UNKL: variants seen among roughly 807,000 people sequenced by gnomAD.
UNKL encodes the protein putative E3 ubiquitin-protein ligase UNKL.
In UNKL, 60 loss-of-function variants were observed where a neutral mutation model predicts 78.0. The ratio of observed to expected loss-of-function variants is 0.77; its 90% CI spans 0.63 to 0.95. The LOEUF (loss-of-function observed/expected upper bound fraction) is 0.95, where lower values mean the gene tolerates loss of function less well. Among genes scored for constraint, UNKL ranks in the 40% least tolerant of loss-of-function variants. The probability of loss-of-function intolerance (pLI) is 0.00; values close to 1 mark genes in which losing one functional copy is unlikely to be tolerated. For missense variants in UNKL, 1,159 were observed against 1,045.7 expected, an observed-to-expected ratio of 1.11 and a Z score of -1.49; for synonymous variants, 608 against 474.8, an observed-to-expected ratio of 1.28 and a Z score of -3.65.
rs2037439300 is a variant in UNKL, at chr16:1,399,829, G to A, written c.599-320C>T. Among the ~76,000 whole-genome samples, 1 of 152,154 alleles carries A rather than the reference G, an allele frequency of 6.6e-6. No homozygotes were observed. The highest frequency in any genetic ancestry group is 1.9e-4 in the East Asian group (1 of 5,186). ...GTGGGTGTGCGGCTTCCTTGCTGGG[G>A]GATGAAAATGTTCTCCAACTAGAGA... On this transcript the variant is annotated intron_variant, in intron 4 of 14. Transcript: ENST00000389221. This position sits in a 1 kb window ranked among gnomAD's most constrained non-coding sequence, Gnocchi z 5.8.
At chr16:1,396,089 GCAC>G (rs2037248073) in intron 6 of UNKL, among the ~76,000 whole-genome samples, 1 of 151,346 alleles carries the variant, frequency 6.6e-6, no homozygotes, top group Admixed American at 6.6e-5. Flanking sequence ...CTATAGGCGC[GCAC>G]CACTACACCT....
At chr16:1,376,193 C>T (rs2036208301) in intron 10 of UNKL, among the ~76,000 whole-genome samples, 2 of 144,944 alleles carry the variant, frequency 1.4e-5, no homozygotes, top group African/African-American at 5.2e-5. Flanking sequence ...ATGCTCCTCC[C>T]TCCTCCCTCA....
intron 10 of UNKL, among the ~76,000 whole-genome samples, chr16:1,382,559 G>A (rs2036641000): frequency 6.6e-6 from 1 of 152,210 alleles, no homozygotes; most frequent in African/African-American, 2.4e-5. Flanking sequence ...GGATTCTGGA[G>A]GGTTCTCCGG....
In UNKL at chr16:1,399,199, G is replaced by C; in HGVS notation, c.734+175C>G. ...AGGCCCATCCCCAGGACAGACGCGT[G>C]GGCCTCCATGGCACCTCCCACAGCC... On this transcript the variant is annotated intron_variant, in intron 5 of 14. Coordinates refer to ENST00000389221, the MANE Select transcript of UNKL (RefSeq NM_001372107.1). The surrounding 1 kb of genome is among the most constrained non-coding windows in gnomAD (Gnocchi z 5.8). The C allele has an allele frequency of 2.5e-6, 3 of 1,200,796 alleles. No homozygotes were observed. Among genetic ancestry groups the C allele is most frequent in the Non-Finnish European group, 2.2e-6 (2 of 889,692 alleles). 74.4% of individuals were successfully genotyped at this position (1,200,796 alleles called of 1,614,324 possible). A position where few individuals can be genotyped will look rare whatever the true frequency, so the allele number is the denominator to read the frequency against.
Position 1,414,658 on chromosome 16 carries a change from G to C in UNKL, c.34C>G (p.Leu12Val). The change falls in exon 1 of 15, where the codon CTG (leucine) becomes GTG (valine). Residue 12 changes from leucine to valine, a missense_variant. Coordinates refer to ENST00000389221, the MANE Select transcript of UNKL (RefSeq NM_001372107.1). ...PSVSKAAAAA[L>V]SGSPPQTEKP... ...TCAGTCTGCGGGGGGGACCCGCTCAGCGCCGCTGCCGCCGCTTTCGAAACC... is the reference window on the plus strand; with the variant it reads ...TCAGTCTGCGGGGGGGACCCGCTCACCGCCGCTGCCGCCGCTTTCGAAACC... 2 of 1,150,472 alleles carry C rather than the reference G, an allele frequency of 1.7e-6. No homozygotes were observed. Among genetic ancestry groups the C allele is most frequent in the Non-Finnish European group, 2.2e-6 (2 of 923,822 alleles). 71.3% of individuals were successfully genotyped at this position (1,150,472 alleles called of 1,614,324 possible).
chr16:1,412,730 T>A (rs1347450324), intron 2 of UNKL, among the ~76,000 whole-genome samples: 2 of 151,948 alleles, frequency 1.3e-5, no homozygotes, highest in Admixed American at 1.3e-4. Flanking sequence ...TCTAACAAGC[T>A]CTCTGTGTGG....
Position 1,385,235 on chromosome 16 carries a change from CG to C in UNKL, c.1236del (p.Ala413ProfsTer13). 7.7e-7 allele frequency: 1 copy of C among 1,294,692 alleles called. No homozygotes were observed. Among genetic ancestry groups the C allele is most frequent in the Non-Finnish European group, 9.8e-7 (1 of 1,022,676 alleles). The allele number at this position is 1,294,692 out of a possible 1,614,324, so 80.2% of individuals were successfully genotyped here. On this transcript the variant is annotated frameshift_variant, in exon 10 of 15. Coordinates refer to ENST00000389221, the MANE Select transcript of UNKL (RefSeq NM_001372107.1). LOFTEE classifies it high-confidence loss of function. ...APPARALPLG[P>X]ASSTVEAVLG... ...AGGACGGCCTCCACAGTGCTGCTGGCGGGGCCGAGCGGGAGGGCACGGGCGG... is the reference window on the plus strand; with the variant it reads ...AGGACGGCCTCCACAGTGCTGCTGGCGGGCCGAGCGGGAGGGCACGGGCGG...
intron 10 of UNKL, among the ~76,000 whole-genome samples, chr16:1,374,450 G>A (rs1477063609): frequency 6.6e-6 from 1 of 152,214 alleles, no homozygotes; most frequent in East Asian, 1.9e-4. Flanking sequence ...TCCTCACCTG[G>A]GACCGATGGT....
intron 9 of UNKL, among the ~76,000 whole-genome samples, 184 bp downstream of exon 9, chr16:1,390,448 C>G (rs775397764): frequency 1.3e-5 from 2 of 152,166 alleles, no homozygotes; most frequent in Non-Finnish European, 2.9e-5. Context: ...ACGGGGGTAC[C>G]AGGAAAGAGC....
chr16:1,367,483 G>GCCCTCCCTCCCTCCCT, intron 13 of UNKL, 134 bp from the exon 14 acceptor site: 1 of 568,654 alleles, frequency 1.8e-6, no homozygotes, highest in Non-Finnish European at 2.6e-6. Flanking sequence ...GACCCCTGCG[G>GCCCTCCCTCCCTCCCT]CCCTCCCTCC....
At chr16:1,410,475 C>T (rs1279936352) in intron 2 of UNKL, among the ~76,000 whole-genome samples, 2 of 151,904 alleles carry the variant, frequency 1.3e-5, no homozygotes, top group African/African-American at 4.8e-5. Context: ...GGCGTGGTGG[C>T]ACATGCCTGT....
chr16:1,363,235 C>CTGAT lies in UNKL; in HGVS notation c.*3001_*3004dup. ...TTCAAGGTTTTAATTAATTCCCATA[C>CTGAT]TGATAAAAATAACTCCATGAATTCT... On this transcript the variant is annotated 3_prime_UTR_variant, in exon 15 of 15. Transcript: ENST00000389221. The CTGAT allele has an allele frequency of 1.4e-6, 1 of 724,542 alleles. No individual in the cohort carries two copies. Among genetic ancestry groups the CTGAT allele is most frequent in the Non-Finnish European group, 2.4e-6 (1 of 413,788 alleles). The allele number at this position is 724,542 out of a possible 1,614,324, so 44.9% of individuals were successfully genotyped here.
Position 1,366,321 on chromosome 16 carries a change from A to G in UNKL, c.2121T>C (p.Cys707=), listed in dbSNP as rs2141899301. 1 of 1,603,484 alleles carries G rather than the reference A, an allele frequency of 6.2e-7. No individual in the cohort carries two copies. Among genetic ancestry groups the G allele is most frequent in the Non-Finnish European group, 8.5e-7 (1 of 1,176,302 alleles). ...ERAHGAVLRP[C]QHHILCEPCA... Reference sequence around the variant, plus strand: ...ACGGCTCACAGAGGATGTGGTGCTGACAGGGCCGCAGGACAGCACCGTGGG... The same window carrying G: ...ACGGCTCACAGAGGATGTGGTGCTGGCAGGGCCGCAGGACAGCACCGTGGG... The change falls in exon 15 of 15, where the codon TGT becomes TGC. Residue 707 remains cysteine, a synonymous_variant. Coordinates refer to ENST00000389221, the MANE Select transcript of UNKL (RefSeq NM_001372107.1).
At chr16:1,406,956 T>C (rs1408459093) in intron 2 of UNKL, among the ~76,000 whole-genome samples, 2 of 151,762 alleles carry the variant, frequency 1.3e-5, no homozygotes, top group East Asian at 2.0e-4. Context: ...CTGGCCAACA[T>C]GGTGAAACCC....
chr16:1,413,625 G>C (rs113052790), intron 2 of UNKL, among the ~76,000 whole-genome samples: 105 of 152,332 alleles, frequency 6.9e-4, no homozygotes, highest in African/African-American at 2.4e-3. Flanking sequence ...GTCACACAAG[G>C]GTTACCCCTA....
At chr16:1,397,712 G>A (rs1244430596) in intron 5 of UNKL, among the ~76,000 whole-genome samples, 3 of 19,824 alleles carry the variant, frequency 1.5e-4, no homozygotes, top group East Asian at 8.7e-4. Context: ...CGTGCTTCAC[G>A]CTGGGGCAGG....
chr16:1,367,457 T>C, intron 13 of UNKL, 108 bp from the exon 14 acceptor site: 1 of 1,405,218 alleles, frequency 7.1e-7, no homozygotes, highest in Non-Finnish European at 9.4e-7. Context: ...GCATCAGCTG[T>C]GGCCCCCTCA....
intron 2 of UNKL, among the ~76,000 whole-genome samples, chr16:1,408,024 G>A (rs987766348): frequency 6.6e-6 from 1 of 151,948 alleles, no homozygotes; most frequent in Non-Finnish European, 1.5e-5. Flanking sequence ...AGGATCAGCT[G>A]AGTCCAGGAG....
At chr16:1,404,029 A>C (rs1479191018) in intron 2 of UNKL, among the ~76,000 whole-genome samples, 1 of 152,216 alleles carries the variant, frequency 6.6e-6, no homozygotes, top group Non-Finnish European at 1.5e-5. Flanking sequence ...GCCAAGGCTC[A>C]AGTCATAGGC....
Sources: gnomAD v4.1 joint callset for allele counts (sites outside exome capture counted in the v4.1 genomes callset) on GRCh38, gnomAD v4.1.1 for gene constraint, Gnocchi (gnomAD v3.1) non-coding constraint, MANE v1.5 for transcripts, NCBI Gene and HGNC (gene_info 2026-07-23, HGNC 2026-07-21) for gene names.